Variants in PRKAG2 observed in about 807,000 individuals in gnomAD.
PRKAG2 encodes protein kinase AMP-activated non-catalytic subunit gamma 2.
Under a neutral mutation model 69.6 loss-of-function variants are expected in PRKAG2, and 26 were observed. The observed-to-expected ratio is 0.37, with a 90% CI of 0.27 to 0.52. PRKAG2 has a LOEUF of 0.52. PRKAG2 is among the 20% of genes least tolerant of loss of function. PRKAG2 has a pLI of 0.90. For missense variants in PRKAG2, 557 were observed against 740.0 expected (o/e 0.75, Z 2.87); for synonymous variants, 293 against 285.0 (o/e 1.03, Z -0.28).
intron 1 of PRKAG2, among the ~76,000 whole-genome samples, chr7:151,818,972 C>T (rs2078709212): frequency 6.6e-6 from 1 of 152,214 alleles, no homozygotes; most frequent in Non-Finnish European, 1.5e-5. Context: ...AACCAATGTG[C>T]CAAAGAGGGC....
At chr7:151,591,873 T>G (rs1256437273) in intron 6 of PRKAG2, among the ~76,000 whole-genome samples, 1 of 152,004 alleles carries the variant, frequency 6.6e-6, no homozygotes, top group East Asian at 1.9e-4. Context: ...ATAATGACTC[T>G]CCCGCTGGGA....
At chr7:151,870,206 G>A (rs1175115987) in intron 1 of PRKAG2, among the ~76,000 whole-genome samples, 1 of 150,776 alleles carries the variant, frequency 6.6e-6, no homozygotes, top group Admixed American at 6.6e-5. Context: ...GGCAGACAGA[G>A]GAATAACTCA....
At chr7:151,735,496 G>A (rs1207559599) in intron 3 of PRKAG2, among the ~76,000 whole-genome samples, 2 of 152,138 alleles carry the variant, frequency 1.3e-5, no homozygotes, top group Admixed American at 6.6e-5. Flanking sequence ...TACGGAACCT[G>A]GGAAGAAGAC....
intron 3 of PRKAG2, among the ~76,000 whole-genome samples, chr7:151,684,979 G>A (rs765263396): frequency 2.3e-4 from 35 of 152,234 alleles, no homozygotes; most frequent in South Asian, 1.7e-3. Context: ...ATTGAACAGC[G>A]CCTGGACCAG....
At chr7:151,865,747 C>T (rs931250668) in intron 1 of PRKAG2, among the ~76,000 whole-genome samples, 3 of 152,194 alleles carry the variant, frequency 2.0e-5, no homozygotes, top group Admixed American at 6.5e-5. Context: ...AGGCCGGGCG[C>T]AGTGGCTCAC....
chr7:151,649,333 C>T (rs1234454284), intron 4 of PRKAG2, among the ~76,000 whole-genome samples: 1 of 152,078 alleles, frequency 6.6e-6, no homozygotes, highest in Non-Finnish European at 1.5e-5. Context: ...ACCATGTTGT[C>T]CAGGCTGGTC....
intron 3 of PRKAG2, among the ~76,000 whole-genome samples, chr7:151,739,125 G>GC (rs1234600556): frequency 6.6e-6 from 1 of 152,220 alleles, no homozygotes; most frequent in Non-Finnish European, 1.5e-5. Flanking sequence ...CAAGAAGCCT[G>GC]CTCGGCCCCG....
intron 5 of PRKAG2, among the ~76,000 whole-genome samples, chr7:151,605,047 C>G (rs569434732): frequency 6.6e-6 from 1 of 152,110 alleles, no homozygotes; most frequent in Non-Finnish European, 1.5e-5. Context: ...GACAGGGTCT[C>G]GCTCTGTCAC....
chr7:151,814,746 C>A lies in PRKAG2; in HGVS notation c.115-28205G>T. 8.3e-7 allele frequency: 1 copy of A among 1,201,960 alleles called. No homozygotes were observed. The highest frequency in any genetic ancestry group is 1.0e-6 in the Non-Finnish European group (1 of 961,014). The allele number at this position is 1,201,960 out of a possible 1,614,324, so 74.5% of individuals were successfully genotyped here. On this transcript the variant is annotated intron_variant, in intron 1 of 15. Transcript: ENST00000287878. This position sits in a 1 kb window ranked among gnomAD's most constrained non-coding sequence, Gnocchi z 4.8. Reference sequence around the variant, plus strand: ...GGCTGGCCTAAGACAGCGCAGGCAACGGTCTTGGTGGCTGGAGCTGCTTTG... The same window carrying A: ...GGCTGGCCTAAGACAGCGCAGGCAAAGGTCTTGGTGGCTGGAGCTGCTTTG...
chr7:151,754,088 T>C (rs1006459139), intron 3 of PRKAG2, among the ~76,000 whole-genome samples: 1 of 152,236 alleles, frequency 6.6e-6, no homozygotes, highest in African/African-American at 2.4e-5. Context: ...TGCCTTTTAC[T>C]GTCTCCGAAG....
chr7:151,844,866 C>A (rs963427820), intron 1 of PRKAG2, among the ~76,000 whole-genome samples: 3 of 152,186 alleles, frequency 2.0e-5, no homozygotes, highest in Non-Finnish European at 2.9e-5. Context: ...ATTGTTGTCA[C>A]ATACATATAT....
intron 1 of PRKAG2, among the ~76,000 whole-genome samples, chr7:151,833,839 G>A (rs1005348211): frequency 2.0e-5 from 3 of 152,320 alleles, no homozygotes; most frequent in East Asian, 1.9e-4. Context: ...CCCAGATGGC[G>A]GGAGGGGGTG....
intron 1 of PRKAG2, among the ~76,000 whole-genome samples, chr7:151,831,599 C>A (rs2079026559): frequency 6.6e-6 from 1 of 152,196 alleles, no homozygotes; most frequent in Non-Finnish European, 1.5e-5. Context: ...CTGGGCCAAT[C>A]CTTACAGCAG....
chr7:151,789,468 C>A (rs2151821413), intron 1 of PRKAG2, among the ~76,000 whole-genome samples: 1 of 152,252 alleles, frequency 6.6e-6, no homozygotes, highest in Non-Finnish European at 1.5e-5. Context: ...AATTATTGTC[C>A]AAATTGTTCA....
chr7:151,602,104 G>C (rs879910967), intron 5 of PRKAG2, among the ~76,000 whole-genome samples: 6 of 152,246 alleles, frequency 3.9e-5, no homozygotes, highest in Non-Finnish European at 8.8e-5. Flanking sequence ...CGCTGCTAAG[G>C]ATGACGCTCC....
intron 1 of PRKAG2, among the ~76,000 whole-genome samples, chr7:151,848,512 CTTTTTTTTTTTTTTTTT>C (rs1158559692): frequency 3.2e-5 from 2 of 62,224 alleles, no homozygotes; most frequent in South Asian, 6.3e-4. Flanking sequence ...TACTGCATGT[CTTTTTTTTTTTTTTTTT>C]TTTTTTTTTT....
chr7:151,860,475 C>T (rs987402349), intron 1 of PRKAG2, among the ~76,000 whole-genome samples: 4 of 152,144 alleles, frequency 2.6e-5, no homozygotes, highest in Admixed American at 2.6e-4. Flanking sequence ...CTGTGGTGCC[C>T]AAGGCCTCGC....
At chr7:151,808,081 G>A (rs918439953) in intron 1 of PRKAG2, among the ~76,000 whole-genome samples, 6 of 152,124 alleles carry the variant, frequency 3.9e-5, no homozygotes, top group East Asian at 1.9e-4. Flanking sequence ...CGGCCACAGC[G>A]GGCGGGGCTC....
chr7:151,773,028 AGAGAGAGAGAGAGAG>A (rs2076116619), intron 3 of PRKAG2, among the ~76,000 whole-genome samples: 13 of 50,890 alleles, frequency 2.6e-4, no homozygotes, highest in African/African-American at 1.0e-3. Flanking sequence ...AAAGAAAGAG[AGAGAGAGAGAGAGAG>A]AGAGAGAGAG....
Sources: allele counts gnomAD v4.1 joint callset (sites outside exome capture counted in the v4.1 genomes callset), GRCh38; gene constraint gnomAD v4.1.1; non-coding constraint Gnocchi (gnomAD v3.1); transcripts MANE v1.5; gene names NCBI Gene and HGNC (gene_info 2026-07-23, HGNC 2026-07-21).